ARPP21: variants seen among roughly 807,000 people sequenced by gnomAD.
ARPP21 encodes cAMP regulated phosphoprotein 21, also known as cAMP-regulated phosphoprotein 21.
ARPP21 carries 69 observed loss-of-function variants against 113.2 expected under a neutral mutation model. The observed-to-expected ratio is 0.61, with a 90% confidence interval of 0.50 to 0.74. The LOEUF (loss-of-function observed/expected upper bound fraction) is 0.74, where lower values mean the gene tolerates loss of function less well. Ranked by LOEUF, ARPP21 falls within the 30% of genes least tolerant of loss-of-function variation. The pLI is 0.00. For missense variants in ARPP21, 1,070 were observed against 1,037.4 expected (o/e 1.03, Z -0.43); for synonymous variants, 368 against 375.5 (o/e 0.98, Z 0.23).
intron 1 of ARPP21, among the ~76,000 whole-genome samples, chr3:35,653,915 A>G (rs1703604484): frequency 6.6e-6 from 1 of 152,088 alleles, no homozygotes; most frequent in African/African-American, 2.4e-5. Context: ...GGAAAAGAAA[A>G]GTAAAATAAA....
intron 19 of ARPP21, among the ~76,000 whole-genome samples, chr3:35,776,381 AACAAGTT>A (rs1283430494): frequency 1.3e-5 from 2 of 152,146 alleles, no homozygotes; most frequent in Admixed American, 1.3e-4. Context: ...GTAATAGTCT[AACAAGTT>A]AGAAGACAAG....
intron 19 of ARPP21, among the ~76,000 whole-genome samples, chr3:35,748,783 T>G (rs1252300712): frequency 6.6e-6 from 1 of 152,230 alleles, no homozygotes; most frequent in East Asian, 1.9e-4. Context: ...GAAACATATT[T>G]AAGGCCACAA....
At chr3:35,667,911 A>AAGG (rs143034102) in intron 1 of ARPP21, among the ~76,000 whole-genome samples, 1 of 80,324 alleles carries the variant, frequency 1.2e-5, no homozygotes, top group African/African-American at 6.7e-5. Flanking sequence ...GAGGAAGAGG[A>AAGG]AGGAGGAGGA....
chr3:35,765,030 T>C (rs2095911625), intron 19 of ARPP21, among the ~76,000 whole-genome samples: 1 of 152,134 alleles, frequency 6.6e-6, no homozygotes, highest in Non-Finnish European at 1.5e-5. Context: ...CTCATGTACC[T>C]ACTATTGCTA....
At chr3:35,691,158 TAGA>T (rs887336395) in intron 9 of ARPP21, among the ~76,000 whole-genome samples, 153 bp downstream of exon 9, 2 of 151,720 alleles carry the variant, frequency 1.3e-5, no homozygotes, top group South Asian at 2.1e-4. Flanking sequence ...CATTTATCTG[TAGA>T]AGATTATCTG....
At chr3:35,738,861 G>A (rs2094506269) in intron 17 of ARPP21, among the ~76,000 whole-genome samples, 1 of 152,184 alleles carries the variant, frequency 6.6e-6, no homozygotes, top group South Asian at 2.1e-4. Context: ...CCAGCCTGTT[G>A]GTGATACTGG....
At chr3:35,748,828 G>A (rs1362592544) in intron 19 of ARPP21, among the ~76,000 whole-genome samples, 3 of 152,088 alleles carry the variant, frequency 2.0e-5, no homozygotes, top group Non-Finnish European at 4.4e-5. Flanking sequence ...CCATTGACTC[G>A]GGATCTCTAG....
chr3:35,707,722 A>G (rs2089686595), intron 10 of ARPP21, among the ~76,000 whole-genome samples: 1 of 152,124 alleles, frequency 6.6e-6, no homozygotes, highest in Non-Finnish European at 1.5e-5. Context: ...GTGACAAAAC[A>G]TTATGTTGTT....
chr3:35,685,507 G>A (rs1269893297), intron 5 of ARPP21: 3 of 985,168 alleles, frequency 3.0e-6, no homozygotes, highest in South Asian at 9.4e-5. Context: ...GGTACCACCG[G>A]CACTTACAAA....
intron 19 of ARPP21, chr3:35,781,655 G>C (rs1222920158): frequency 6.6e-6 from 1 of 152,148 alleles, no homozygotes; most frequent in East Asian, 1.9e-4. Context: ...GGAAAATCAT[G>C]ATCTAGTTGA....
intron 1 of ARPP21, among the ~76,000 whole-genome samples, chr3:35,655,998 G>A (rs1704678797): frequency 6.6e-6 from 1 of 152,044 alleles, no homozygotes; most frequent in Middle Eastern, 3.4e-3. Flanking sequence ...TGTAGAATTT[G>A]CATGATTGAG....
chr3:35,748,098 G>GAA lies in ARPP21; in HGVS notation c.2137+4135_2137+4136dup, dbSNP rs199555846. Among the ~76,000 whole-genome samples, 3 of 127,770 alleles carry GAA rather than the reference G, an allele frequency of 2.3e-5. No homozygotes were observed. In the South Asian group the frequency reaches 7.3e-4, roughly 31 times the overall value. 83.8% of individuals were successfully genotyped at this position (127,770 alleles called of 152,430 possible). On this transcript the variant is annotated intron_variant, in intron 19 of 20. Transcript: ENST00000684406. ...AGAAAGAAAGAAAGAAAGAAAGAAA[G>GAA]AAAGAAAGAAAGAAGAAAGAAAGAA...
intron 19 of ARPP21, among the ~76,000 whole-genome samples, chr3:35,766,751 T>C (rs533559359): frequency 1.3e-5 from 2 of 152,306 alleles, no homozygotes; most frequent in South Asian, 4.1e-4. Context: ...TGCAATGCTT[T>C]CCAAGACTTT....
At chr3:35,678,911 G>C (rs1330750914) in intron 1 of ARPP21, 2 of 151,954 alleles carry the variant, frequency 1.3e-5, no homozygotes, top group Admixed American at 6.6e-5. Flanking sequence ...GCGTTATAGG[G>C]AAAAGGAAGA....
intron 12 of ARPP21, 152 bp from the exon 13 acceptor site, chr3:35,717,146 G>A (rs1428059075): frequency 1.9e-6 from 1 of 532,576 alleles, no homozygotes; most frequent in Non-Finnish European, 3.4e-6. Flanking sequence ...CTATCCTATG[G>A]GCATTAATTT....
chr3:35,682,605 C>T, intron 3 of ARPP21: 2 of 407,020 alleles, frequency 4.9e-6, no homozygotes, highest in Non-Finnish European at 8.7e-6. Context: ...TTTCCTTGTC[C>T]CCTTTCCAAT....
intron 19 of ARPP21, among the ~76,000 whole-genome samples, chr3:35,766,053 A>G (rs943107285): frequency 2.0e-5 from 3 of 152,252 alleles, no homozygotes; most frequent in East Asian, 1.9e-4. Flanking sequence ...GATTCTGAAA[A>G]CTATTCTAAG....
At chr3:35,706,354 C>CTAA (rs2149979372) in intron 9 of ARPP21, among the ~76,000 whole-genome samples, 2 of 152,290 alleles carry the variant, frequency 1.3e-5, no homozygotes, top group African/African-American at 4.8e-5. Flanking sequence ...TTTCCCCATG[C>CTAA]TAATCAACCA....
chr3:35,665,974 A>G (rs1435412103), intron 1 of ARPP21, among the ~76,000 whole-genome samples: 1 of 152,140 alleles, frequency 6.6e-6, no homozygotes, highest in Admixed American at 6.5e-5. Context: ...TGCTCACTGT[A>G]TGATGGCTCA....
Sources: allele counts gnomAD v4.1 joint callset (sites outside exome capture counted in the v4.1 genomes callset), GRCh38; gene constraint gnomAD v4.1.1; transcripts MANE v1.5; gene names NCBI Gene and HGNC (gene_info 2026-07-23, HGNC 2026-07-21).